Variants in SEM1 observed in about 807,000 individuals in gnomAD.
SEM1 encodes the protein SEM1 26S proteasome subunit.
In SEM1, 3 loss-of-function variants were observed where a neutral mutation model predicts 12.7. That is an observed-to-expected ratio of 0.24 (90% CI 0.11 to 0.61). SEM1 has a LOEUF of 0.61. SEM1 is among the 20% of genes least tolerant of loss of function. The pLI, the probability that SEM1 is intolerant of heterozygous loss-of-function variation, is 0.88. For missense variants in SEM1, 59 were observed against 81.3 expected, an observed-to-expected ratio of 0.73 and a Z score of 1.06; for synonymous variants, 30 against 27.8, an observed-to-expected ratio of 1.08 and a Z score of -0.25.
At chr7:96,562,308 G>GTCAT (rs1286327103) in intron 2 of SEM1, among the ~76,000 whole-genome samples, 1 of 152,122 alleles carries the variant, frequency 6.6e-6, no homozygotes, top group East Asian at 1.9e-4. Flanking sequence ...TTCCCATTCA[G>GTCAT]TCATTCATTC....
At chr7:96,494,277 G>T (rs959097284) in intron 1 of SEM1, among the ~76,000 whole-genome samples, 5 of 152,144 alleles carry the variant, frequency 3.3e-5, no homozygotes, top group African/African-American at 1.2e-4. Flanking sequence ...TAATTCTCAA[G>T]ATATGTGAAA....
At chr7:96,650,974 A>T (rs1186704585) in intron 2 of SEM1, among the ~76,000 whole-genome samples, 1 of 152,180 alleles carries the variant, frequency 6.6e-6, no homozygotes, top group African/African-American at 2.4e-5. Flanking sequence ...TACTAGGACT[A>T]AGAGGAAAGC....
At chr7:96,601,307 A>G (rs1807192589) in intron 2 of SEM1, among the ~76,000 whole-genome samples, 1 of 152,184 alleles carries the variant, frequency 6.6e-6, no homozygotes, top group Non-Finnish European at 1.5e-5. Flanking sequence ...AATGATTAAC[A>G]TATAGTATCT....
At chr7:96,665,749 T>C (rs962165750) in intron 2 of SEM1, among the ~76,000 whole-genome samples, 2 of 152,148 alleles carry the variant, frequency 1.3e-5, no homozygotes, top group Admixed American at 6.5e-5. Context: ...TCTGAATAAA[T>C]TGATCTGGAA....
chr7:96,594,132 T>C (rs1047729035), intron 2 of SEM1, among the ~76,000 whole-genome samples: 1 of 152,200 alleles, frequency 6.6e-6, no homozygotes, highest in Non-Finnish European at 1.5e-5. Flanking sequence ...TTTGCTGTTA[T>C]AATTAGTGAG....
chr7:96,589,055 T>G (rs1378674219), intron 2 of SEM1, among the ~76,000 whole-genome samples: 1 of 152,262 alleles, frequency 6.6e-6, no homozygotes, highest in African/African-American at 2.4e-5. Flanking sequence ...TGATGGCTGT[T>G]GCCTCTGATG....
intron 2 of SEM1, among the ~76,000 whole-genome samples, chr7:96,570,303 G>A (rs1255029715): frequency 2.6e-5 from 4 of 151,512 alleles, no homozygotes; most frequent in Non-Finnish European, 5.9e-5. Flanking sequence ...CCATCAACCC[G>A]TCCTCTAAAT....
At chr7:96,516,745 A>C (rs543327204) in intron 2 of SEM1, among the ~76,000 whole-genome samples, 1 of 152,204 alleles carries the variant, frequency 6.6e-6, no homozygotes, top group Non-Finnish European at 1.5e-5. Flanking sequence ...TATCTAAAGG[A>C]GTTGAAAACT....
chr7:96,708,561 A>C (rs1026300392), intron 1 of SEM1, among the ~76,000 whole-genome samples: 1 of 152,328 alleles, frequency 6.6e-6, no homozygotes, highest in East Asian at 1.9e-4. Context: ...TTTTCTTATA[A>C]GGTAAATATT....
chr7:96,657,783 A>G (rs1001969791), intron 2 of SEM1, among the ~76,000 whole-genome samples: 3 of 152,218 alleles, frequency 2.0e-5, no homozygotes, highest in Admixed American at 6.5e-5. Context: ...AATTGGGGTG[A>G]TGACCACAAC....
chr7:96,672,150 AT>A (rs1048592317), downstream of SEM1, among the ~76,000 whole-genome samples: 1 of 152,194 alleles, frequency 6.6e-6, no homozygotes, highest in African/African-American at 2.4e-5. Flanking sequence ...ACACCCAGTG[AT>A]TCTTCTCAGG....
chr7:96,607,002 G>A (rs777191548), intron 2 of SEM1, among the ~76,000 whole-genome samples: 34 of 152,164 alleles, frequency 2.2e-4, no homozygotes, highest in Admixed American at 1.6e-3. Context: ...AAGTAAGACA[G>A]ATCTGGCACT....
At chr7:96,536,533 T>G (rs1804789467) in intron 2 of SEM1, among the ~76,000 whole-genome samples, 1 of 151,804 alleles carries the variant, frequency 6.6e-6, no homozygotes, top group Non-Finnish European at 1.5e-5. Flanking sequence ...CCAAATACAA[T>G]AGTGGATTTG....
chr7:96,588,296 A>G (rs1806709907), intron 2 of SEM1, among the ~76,000 whole-genome samples: 1 of 151,332 alleles, frequency 6.6e-6, no homozygotes, highest in African/African-American at 2.4e-5. Context: ...GCAATGAGCC[A>G]CGATCACACC....
chr7:96,575,792 A>G (rs1479858498), intron 2 of SEM1, among the ~76,000 whole-genome samples: 2 of 152,228 alleles, frequency 1.3e-5, no homozygotes, highest in Non-Finnish European at 2.9e-5. Flanking sequence ...CAGACAACCT[A>G]TAGAATGAGA....
intron 1 of SEM1, among the ~76,000 whole-genome samples, chr7:96,486,570 G>A (rs1802779721): frequency 6.6e-6 from 1 of 152,138 alleles, no homozygotes; most frequent in East Asian, 1.9e-4. Context: ...CAGTGTAAGA[G>A]CAGGGGCTTC....
intron 2 of SEM1, among the ~76,000 whole-genome samples, chr7:96,693,592 A>G (rs1789993438): frequency 6.6e-6 from 1 of 152,050 alleles, no homozygotes; most frequent in Admixed American, 6.6e-5. Flanking sequence ...ATAATTTAAA[A>G]CAAAAAAGAA....
intron 2 of SEM1, chr7:96,649,195 T>C (rs1339841374): frequency 2.0e-5 from 3 of 152,226 alleles, no homozygotes; most frequent in Non-Finnish European, 4.4e-5. Flanking sequence ...ATTCAGCAGA[T>C]AGATCTAGCA....
intron 2 of SEM1, among the ~76,000 whole-genome samples, chr7:96,627,342 T>A (rs1016149565): frequency 2.6e-5 from 4 of 152,068 alleles, no homozygotes; most frequent in African/African-American, 7.2e-5. Context: ...TTCTTTAATT[T>A]AATTTAATTC....
Sources: allele counts gnomAD v4.1 joint callset (sites outside exome capture counted in the v4.1 genomes callset), GRCh38; gene constraint gnomAD v4.1.1; transcripts MANE v1.5; gene names NCBI Gene and HGNC (gene_info 2026-07-23, HGNC 2026-07-21).